The following PDE11A variants were observed in gnomAD, a reference collection of about 807,000 sequenced individuals.
PDE11A encodes the protein phosphodiesterase 11A.
In PDE11A, 100 loss-of-function variants were observed where a neutral mutation model predicts 100.5. The ratio of observed to expected loss-of-function variants is 1.00; its 90% CI spans 0.85 to 1.18. The LOEUF (loss-of-function observed/expected upper bound fraction) is 1.18. Ranked by LOEUF, PDE11A falls within the 50% of genes most tolerant of loss-of-function variation. The pLI is 0.00. For synonymous variants in PDE11A, 381 were observed against 420.8 expected (o/e 0.91, Z 1.16); for missense variants, 1,141 against 1,152.6 (o/e 0.99, Z 0.15).
At chr2:177,637,143 C>T (rs1439978149) in intron 19 of PDE11A, among the ~76,000 whole-genome samples, 3 of 152,334 alleles carry the variant, frequency 2.0e-5, no homozygotes, top group Non-Finnish European at 4.4e-5. Flanking sequence ...CTCATAAAAT[C>T]TCCACAGCAG....
In PDE11A at chr2:178,072,490, C is replaced by A; in HGVS notation, c.-53G>T. 1.9e-6 allele frequency: 3 copies of A among 1,607,648 alleles called. No homozygotes were observed. The highest frequency in any genetic ancestry group is 2.5e-6 in the Non-Finnish European group (3 of 1,179,326). ...TACACGTGAACCAAATGTTTTCCTG[C>A]CCCGAGGCCTCTAGCTGTTCCTGCA... On this transcript the variant is annotated 5_prime_UTR_variant, in exon 1 of 20. Coordinates refer to ENST00000286063, the MANE Select transcript of PDE11A (RefSeq NM_016953.4).
At chr2:177,634,615 C>G (rs1456237609) in intron 19 of PDE11A, among the ~76,000 whole-genome samples, 2 of 152,084 alleles carry the variant, frequency 1.3e-5, no homozygotes, top group East Asian at 3.9e-4. Context: ...GTCTCCGTCT[C>G]CTGACCTCGT....
At position 177,923,379 on chromosome 2, in the gene PDE11A, A is replaced by G. The variant is rs753042340; in HGVS notation, c.1072-18192T>C. Among the ~76,000 whole-genome samples, 848 of 151,980 alleles carry G rather than the reference A, an allele frequency of 5.6e-3. 1 individual carries two copies. Among genetic ancestry groups the G allele is most frequent in the Non-Finnish European group, 7.1e-3 (483 of 67,932 alleles). ...CTGTCTCTCCCCCAGCAAAAAAAAA[A>G]AGGAGAAAGAAAAGAAAAGAAAGTA... On this transcript the variant is annotated intron_variant, in intron 2 of 19. Coordinates refer to ENST00000286063, the MANE Select transcript of PDE11A (RefSeq NM_016953.4).
chr2:177,664,110 T>C (rs1250290084), intron 18 of PDE11A, among the ~76,000 whole-genome samples, 161 bp from the exon 19 acceptor site: 1 of 152,210 alleles, frequency 6.6e-6, no homozygotes, highest in Non-Finnish European at 1.5e-5. Flanking sequence ...TTATCTATGA[T>C]GAGAAATAAA....
chr2:177,889,818 T>G (rs1245226174), intron 4 of PDE11A, among the ~76,000 whole-genome samples: 1 of 152,178 alleles, frequency 6.6e-6, no homozygotes. Context: ...TTATTTTTCC[T>G]GAGAGATCTT....
intron 5 of PDE11A, among the ~76,000 whole-genome samples, chr2:177,864,558 TG>T (rs1201754965): frequency 2.6e-5 from 4 of 152,200 alleles, no homozygotes; most frequent in African/African-American, 9.6e-5. Flanking sequence ...TAGAAGTATT[TG>T]ATGTGAATTG....
At chr2:178,074,197 GA>G (rs1463981056), upstream of PDE11A, among the ~76,000 whole-genome samples, 10 of 151,892 alleles carry the variant, frequency 6.6e-5, no homozygotes, top group Non-Finnish European at 1.3e-4. Context: ...ACAGAAAGTA[GA>G]TTACTTTCTA....
intron 12 of PDE11A, among the ~76,000 whole-genome samples, chr2:177,727,120 C>T (rs1574083302): frequency 6.6e-6 from 1 of 152,110 alleles, no homozygotes; most frequent in East Asian, 1.9e-4. Flanking sequence ...GCCACCATCA[C>T]TGGGTTAAAA....
chr2:177,852,796 G>A (rs1338380577), intron 5 of PDE11A, among the ~76,000 whole-genome samples: 1 of 152,204 alleles, frequency 6.6e-6, no homozygotes, highest in African/African-American at 2.4e-5. Flanking sequence ...AGGAAAAGAA[G>A]ATTCTCTAAG....
chr2:177,893,320 C>T (rs1174804793), intron 4 of PDE11A, among the ~76,000 whole-genome samples: 7 of 151,944 alleles, frequency 4.6e-5, no homozygotes, highest in East Asian at 3.9e-4. Flanking sequence ...GATTGATTTT[C>T]GGAGGTGTTG....
intron 10 of PDE11A, among the ~76,000 whole-genome samples, chr2:177,745,781 C>T (rs777267498): frequency 1.3e-4 from 20 of 152,342 alleles, no homozygotes; most frequent in Middle Eastern, 3.4e-3. Flanking sequence ...TTTCCCAGCC[C>T]TCTTGTATAT....
intron 15 of PDE11A, among the ~76,000 whole-genome samples, chr2:177,682,684 G>A (rs1253834243): frequency 6.6e-6 from 1 of 152,152 alleles, no homozygotes; most frequent in East Asian, 1.9e-4. Context: ...TTCCCAAAAC[G>A]CATCTCTCAA....
intron 2 of PDE11A, among the ~76,000 whole-genome samples, chr2:177,943,036 T>C (rs571943092): frequency 1.6e-4 from 24 of 152,362 alleles, no homozygotes; most frequent in South Asian, 4.1e-4. Flanking sequence ...TGTCGTAGCA[T>C]GTAACAGGAT....
intron 2 of PDE11A, chr2:177,997,407 G>T: frequency 1.2e-6 from 1 of 827,050 alleles, no homozygotes; most frequent in Non-Finnish European, 2.2e-6. Context: ...GCTCTCTTTT[G>T]CCCAATCTCA....
chr2:177,670,199 C>G (rs1033054371), intron 17 of PDE11A, among the ~76,000 whole-genome samples: 2 of 152,260 alleles, frequency 1.3e-5, no homozygotes, highest in Middle Eastern at 3.4e-3. Flanking sequence ...AAGAGCATGA[C>G]TTGGTCTTCA....
intron 10 of PDE11A, among the ~76,000 whole-genome samples, chr2:177,733,718 A>G (rs2081727960): frequency 6.6e-6 from 1 of 152,216 alleles, no homozygotes; most frequent in South Asian, 2.1e-4. Context: ...TAATGGAGAC[A>G]GGAGGTTGAG....
chr2:177,898,274 C>A, intron 3 of PDE11A, 76 bp from the exon 4 acceptor site: 1 of 929,626 alleles, frequency 1.1e-6, no homozygotes, highest in Non-Finnish European at 1.7e-6. Flanking sequence ...AAAATTTAAT[C>A]TTTGCTTCAA....
In PDE11A at chr2:177,905,104, T is replaced by C; in HGVS notation, c.1155A>G (p.Arg385=). Residue 385 remains arginine (R), a synonymous_variant, in exon 3 of 20, where the codon AGA becomes AGG. Coordinates refer to ENST00000286063, the MANE Select transcript of PDE11A (RefSeq NM_016953.4). The stretch of plus-strand genomic sequence containing the variant: ...AATGTTTTTATTTACTCACTCTGCT[T>C]CTTTCATATTCTTTCCTTGAGGCAG... ...LFAASRKEYE[R]SRALLEVVND... 1 of 1,568,728 alleles carries C rather than the reference T, an allele frequency of 6.4e-7. No homozygotes were observed. The highest frequency in any genetic ancestry group is 8.8e-7 in the Non-Finnish European group (1 of 1,138,536).
intron 16 of PDE11A, among the ~76,000 whole-genome samples, chr2:177,676,963 G>C (rs560772206): frequency 6.6e-6 from 1 of 152,328 alleles, no homozygotes; most frequent in Admixed American, 6.5e-5. Context: ...AAAGCTACCA[G>C]ATGCCCTCTT....
Sources: allele counts gnomAD v4.1 joint callset (sites outside exome capture counted in the v4.1 genomes callset), GRCh38; gene constraint gnomAD v4.1.1; transcripts MANE v1.5; gene names NCBI Gene and HGNC (gene_info 2026-07-23, HGNC 2026-07-21).